ZDHHC21: variants seen among roughly 807,000 people sequenced by gnomAD.
The protein encoded by ZDHHC21 is zDHHC palmitoyltransferase 21.
ZDHHC21 carries 15 observed loss-of-function variants against 34.6 expected under a neutral mutation model. The observed-to-expected ratio is 0.43, with a 90% confidence interval of 0.29 to 0.67. ZDHHC21 has a LOEUF of 0.67. ZDHHC21 is among the 30% of genes least tolerant of loss of function. ZDHHC21 has a pLI of 0.14. For missense variants in ZDHHC21, 344 were observed against 327.7 expected, an observed-to-expected ratio of 1.05 and a Z score of -0.38; for synonymous variants, 142 against 101.8, an observed-to-expected ratio of 1.40 and a Z score of -2.38.
At chr9:14,684,863 C>A (rs552611428) in intron 2 of ZDHHC21, among the ~76,000 whole-genome samples, 2 of 152,214 alleles carry the variant, frequency 1.3e-5, no homozygotes, top group South Asian at 4.2e-4. Context: ...AGATACAGAC[C>A]AATGGAACAG....
chr9:14,637,990 T>C (rs1587001748), intron 8 of ZDHHC21, among the ~76,000 whole-genome samples: 1 of 152,116 alleles, frequency 6.6e-6, no homozygotes, highest in South Asian at 2.1e-4. Flanking sequence ...AGCATCAAAA[T>C]ACCAACATCA....
At chr9:14,642,926 CAT>C (rs1043678038) in intron 7 of ZDHHC21, among the ~76,000 whole-genome samples, 10 of 151,562 alleles carry the variant, frequency 6.6e-5, no homozygotes, top group East Asian at 1.9e-4. Flanking sequence ...TCATAAAACA[CAT>C]GTGTTCAGTT....
chr9:14,668,504 TAAAGTTCATATGGA>T (rs1395848135), intron 5 of ZDHHC21, among the ~76,000 whole-genome samples: 1 of 119,656 alleles, frequency 8.4e-6, no homozygotes, highest in African/African-American at 3.4e-5. Context: ...AGAACTACTT[TAAAGTTCATATGGA>T]ACCAAAAAAG....
the ZDHHC21 span, among the ~76,000 whole-genome samples, chr9:14,599,161 G>T: frequency 6.6e-6 from 1 of 152,192 alleles, no homozygotes; most frequent in Non-Finnish European, 1.5e-5. Flanking sequence ...CTGGCAAGAT[G>T]GCCGAATAGG....
At chr9:14,654,537 T>C (rs1831841141) in intron 7 of ZDHHC21, among the ~76,000 whole-genome samples, 2 of 149,280 alleles carry the variant, frequency 1.3e-5, no homozygotes, top group South Asian at 4.2e-4. Context: ...AAAAAAAGAG[T>C]CAACAGAAAC....
Position 14,618,862 on chromosome 9 carries a change from T to C in ZDHHC21, c.*104A>G. 3.1e-6 allele frequency: 4 copies of C among 1,301,190 alleles called. No homozygotes were observed. Among genetic ancestry groups the C allele is most frequent in the Non-Finnish European group, 4.1e-6 (4 of 986,182 alleles). The allele number at this position is 1,301,190 out of a possible 1,614,324, so 80.6% of individuals were successfully genotyped here. ...GGCACATTATGATGCCTAAGACTGG[T>C]GGGTGGATTTTAATTGACTTGAAGA... On this transcript the variant is annotated 3_prime_UTR_variant, in exon 10 of 10. Transcript: ENST00000380916.
chr9:14,685,976 G>T (rs1838247784), intron 2 of ZDHHC21, among the ~76,000 whole-genome samples: 1 of 150,960 alleles, frequency 6.6e-6, no homozygotes, highest in Non-Finnish European at 1.5e-5. Context: ...AACACCACAT[G>T]TTCTCACTCA....
intron 3 of ZDHHC21, among the ~76,000 whole-genome samples, chr9:14,678,216 T>A (rs904116511): frequency 6.6e-6 from 1 of 152,084 alleles, no homozygotes; most frequent in East Asian, 1.9e-4. Flanking sequence ...AGGAAAACTA[T>A]TAGAATAGCA....
At chr9:14,674,731 T>C (rs919486327) in intron 3 of ZDHHC21, among the ~76,000 whole-genome samples, 2 of 151,962 alleles carry the variant, frequency 1.3e-5, no homozygotes, top group African/African-American at 2.4e-5. Flanking sequence ...CCAAAAGAAA[T>C]GAATACACGT....
At chr9:14,596,465 A>C in the ZDHHC21 span, among the ~76,000 whole-genome samples, 110 of 152,302 alleles carry the variant, frequency 7.2e-4, no homozygotes, top group Middle Eastern at 6.8e-3. Flanking sequence ...ACATACCTAC[A>C]TGCTGCTTGT....
chr9:14,605,871 T>C, the ZDHHC21 span, among the ~76,000 whole-genome samples: 1 of 152,276 alleles, frequency 6.6e-6, no homozygotes, highest in South Asian at 2.1e-4. Flanking sequence ...CTATACAATA[T>C]TACAGAAACA....
intron 7 of ZDHHC21, among the ~76,000 whole-genome samples, chr9:14,656,744 A>G (rs1832293664): frequency 6.6e-6 from 1 of 151,964 alleles, no homozygotes; most frequent in South Asian, 2.1e-4. Flanking sequence ...GTAGCTTTCT[A>G]ACAACCAACA....
chr9:14,607,666 A>G (rs2382488), downstream of ZDHHC21, among the ~76,000 whole-genome samples: 112,156 of 151,472 alleles, frequency 0.74, 41,840 homozygotes, highest in African/African-American at 0.82. Flanking sequence ...GCTGTTGTGG[A>G]AGGGTTATGT....
At chr9:14,685,770 C>A (rs953426656) in intron 2 of ZDHHC21, among the ~76,000 whole-genome samples, 13 of 152,178 alleles carry the variant, frequency 8.5e-5, no homozygotes, top group Non-Finnish European at 2.9e-5. Flanking sequence ...TGTATTGCAG[C>A]ACTATTCACA....
intron 7 of ZDHHC21, among the ~76,000 whole-genome samples, chr9:14,648,195 T>A (rs748216604): frequency 6.6e-6 from 1 of 152,130 alleles, no homozygotes; most frequent in Non-Finnish European, 1.5e-5. Context: ...CAAACTATAA[T>A]AGACCACTTG....
chr9:14,651,248 T>G, intron 7 of ZDHHC21, among the ~76,000 whole-genome samples: 1 of 151,832 alleles, frequency 6.6e-6, no homozygotes, highest in South Asian at 2.1e-4. Flanking sequence ...AATCAGGAGG[T>G]TCACTGAGCT....
At chr9:14,622,518 C>T in intron 8 of ZDHHC21, 1 of 985,086 alleles carries the variant, frequency 1.0e-6, no homozygotes, top group Non-Finnish European at 1.2e-6. Flanking sequence ...AATTTATCAC[C>T]AGAGGTTTCC....
intron 3 of ZDHHC21, among the ~76,000 whole-genome samples, chr9:14,678,378 A>G (rs1836795914): frequency 6.6e-6 from 1 of 152,062 alleles, no homozygotes; most frequent in Admixed American, 6.6e-5. Flanking sequence ...ACTGCAACAC[A>G]TGACCGACAA....
chr9:14,624,813 C>T (rs1825927799), intron 8 of ZDHHC21, among the ~76,000 whole-genome samples: 2 of 151,930 alleles, frequency 1.3e-5, no homozygotes, highest in Admixed American at 6.6e-5. Flanking sequence ...GTTCTCACCA[C>T]AAATAAATGA....
Sources: allele counts gnomAD v4.1 joint callset (sites outside exome capture counted in the v4.1 genomes callset), GRCh38; gene constraint gnomAD v4.1.1; transcripts MANE v1.5; gene names NCBI Gene and HGNC (gene_info 2026-07-23, HGNC 2026-07-21).